TASP1: variants seen among roughly 807,000 people sequenced by gnomAD.
TASP1 encodes taspase 1, also known as threonine aspartase 1.
A neutral mutation model predicts 56.6 loss-of-function variants in TASP1; 16 were observed. That is an observed-to-expected ratio of 0.28 (90% confidence interval 0.19 to 0.43). The LOEUF (loss-of-function observed/expected upper bound fraction) is 0.43, where lower values mean the gene tolerates loss of function less well. Ranked by LOEUF, TASP1 falls within the 20% of genes least tolerant of loss-of-function variation. TASP1 has a pLI of 1.00. For missense variants in TASP1, 393 were observed against 511.6 expected, an observed-to-expected ratio of 0.77 and a Z score of 2.24; for synonymous variants, 179 against 184.2, an observed-to-expected ratio of 0.97 and a Z score of 0.23.
At chr20:13,446,891 C>A (rs1409380667) in intron 11 of TASP1, among the ~76,000 whole-genome samples, 1 of 152,102 alleles carries the variant, frequency 6.6e-6, no homozygotes, top group Admixed American at 6.6e-5. Flanking sequence ...AATGAATATG[C>A]TCCTGGACAT....
chr20:13,634,617 C>A (rs1436992407), intron 1 of TASP1, among the ~76,000 whole-genome samples: 1 of 151,688 alleles, frequency 6.6e-6, no homozygotes, highest in Non-Finnish European at 1.5e-5. Flanking sequence ...GTAATCCCAG[C>A]TACTCGGGAG....
chr20:13,169,799 T>C, the TASP1 span, among the ~76,000 whole-genome samples: 2 of 152,192 alleles, frequency 1.3e-5, no homozygotes, highest in African/African-American at 4.8e-5. Flanking sequence ...CAGTCTTTTC[T>C]TCTATTCCCC....
At chr20:13,503,746 AAATTT>A (rs2044029333) in intron 10 of TASP1, among the ~76,000 whole-genome samples, 2 of 152,116 alleles carry the variant, frequency 1.3e-5, no homozygotes, top group Admixed American at 1.3e-4. Flanking sequence ...ACAAAATAAG[AAATTT>A]AATAAAAAGA....
chr20:13,123,998 A>G, the TASP1 span, among the ~76,000 whole-genome samples: 1 of 152,184 alleles, frequency 6.6e-6, no homozygotes, highest in African/African-American at 2.4e-5. Context: ...CTGGCAAATG[A>G]CTGCTGCTGT....
chr20:13,113,197 C>A, the TASP1 span, among the ~76,000 whole-genome samples: 51,617 of 151,796 alleles, frequency 0.34, 8,824 homozygotes, highest in African/African-American at 0.37. Flanking sequence ...ACAACAACAA[C>A]AAAAAATTAT....
intron 13 of TASP1, among the ~76,000 whole-genome samples, chr20:13,411,955 C>T (rs1191264692): frequency 6.6e-6 from 1 of 152,212 alleles, no homozygotes; most frequent in African/African-American, 2.4e-5. Flanking sequence ...TTGCTTTAAT[C>T]CAGCCTTCTG....
intron 12 of TASP1, among the ~76,000 whole-genome samples, chr20:13,427,216 T>G (rs960031224): frequency 1.3e-5 from 2 of 152,346 alleles, no homozygotes; most frequent in Non-Finnish European, 2.9e-5. Context: ...TTTGGAATTT[T>G]AACTTACAGT....
At chr20:13,463,494 AC>A (rs1443983147) in intron 11 of TASP1, among the ~76,000 whole-genome samples, 5 of 151,108 alleles carry the variant, frequency 3.3e-5, no homozygotes, top group Admixed American at 1.3e-4. Context: ...AGCACAGGCA[AC>A]AAATAAAAAA....
chr20:13,489,576 G>A (rs1457540273), intron 10 of TASP1, among the ~76,000 whole-genome samples: 2 of 152,078 alleles, frequency 1.3e-5, no homozygotes, highest in Non-Finnish European at 2.9e-5. Context: ...TGCTGAGGAC[G>A]GCAGGAGGGA....
At chr20:13,519,043 G>C (rs1348936461) in intron 10 of TASP1, among the ~76,000 whole-genome samples, 1 of 152,084 alleles carries the variant, frequency 6.6e-6, no homozygotes, top group African/African-American at 2.4e-5. Flanking sequence ...GGATGTAGTT[G>C]GAGGTCATTA....
Position 13,462,004 on chromosome 20 carries a change from A to T in TASP1, c.985+21223T>A, listed in dbSNP as rs145013064. 1.5e-3 allele frequency among the ~76,000 whole-genome samples: 229 copies of T among 152,258 alleles called. 1 individual carries two copies. In the East Asian group the frequency reaches 0.04, roughly 26 times the overall value. On this transcript the variant is annotated intron_variant, in intron 11 of 13. Coordinates refer to ENST00000337743, the MANE Select transcript of TASP1 (RefSeq NM_017714.3). Reference sequence around the variant, plus strand: ...AGTGTCTCTGTAACTAGAGGGGATGATGGGACACAGTTCTAGCCAATAAGA... The same window carrying T: ...AGTGTCTCTGTAACTAGAGGGGATGTTGGGACACAGTTCTAGCCAATAAGA...
At chr20:13,115,643 C>A in the TASP1 span, among the ~76,000 whole-genome samples, 76 of 152,256 alleles carry the variant, frequency 5.0e-4, no homozygotes, top group Non-Finnish European at 2.5e-4. Context: ...CAGCATGACA[C>A]CCACATGCCT....
chr20:13,293,001 C>T, the TASP1 span, among the ~76,000 whole-genome samples: 1 of 151,888 alleles, frequency 6.6e-6, no homozygotes, highest in African/African-American at 2.4e-5. Context: ...TCAAGACCAT[C>T]CTGACTAACA....
At chr20:13,364,850 T>C in the TASP1 span, among the ~76,000 whole-genome samples, 1 of 152,248 alleles carries the variant, frequency 6.6e-6, no homozygotes, top group Non-Finnish European at 1.5e-5. Flanking sequence ...AGCAGGTTTC[T>C]GTGCATGTGC....
the TASP1 span, among the ~76,000 whole-genome samples, chr20:13,276,303 T>G: frequency 6.6e-6 from 1 of 152,202 alleles, no homozygotes; most frequent in Admixed American, 6.5e-5. Context: ...GGCGTTGGTT[T>G]ATTATCACCT....
the TASP1 span, among the ~76,000 whole-genome samples, chr20:13,116,734 G>A: frequency 6.6e-6 from 1 of 152,216 alleles, no homozygotes; most frequent in Non-Finnish European, 1.5e-5. Flanking sequence ...ATCTACAGCA[G>A]TGGCCCTCTA....
chr20:13,534,275 T>C, intron 8 of TASP1, 134 bp from the exon 9 acceptor site: 2 of 1,091,084 alleles, frequency 1.8e-6, no homozygotes, highest in Non-Finnish European at 2.5e-6. Context: ...TTGAGCAATC[T>C]CCTAAAATTA....
At chr20:13,441,930 T>C (rs2043226323) in intron 11 of TASP1, among the ~76,000 whole-genome samples, 1 of 152,218 alleles carries the variant, frequency 6.6e-6, no homozygotes, top group Admixed American at 6.5e-5. Flanking sequence ...GCCATGGCCA[T>C]ATCATTAAAC....
intron 6 of TASP1, among the ~76,000 whole-genome samples, chr20:13,572,685 C>CAAAAAAA (rs71188164): frequency 2.4e-5 from 2 of 84,058 alleles, no homozygotes; most frequent in Admixed American, 1.5e-4. Flanking sequence ...GACTCCATCT[C>CAAAAAAA]AAAAAAAAAA....
Sources: allele counts gnomAD v4.1 joint callset (sites outside exome capture counted in the v4.1 genomes callset), GRCh38; gene constraint gnomAD v4.1.1; transcripts MANE v1.5; gene names NCBI Gene and HGNC (gene_info 2026-07-23, HGNC 2026-07-21).